TAFA2: variants seen among roughly 807,000 people sequenced by gnomAD.
The protein encoded by TAFA2 is TAFA chemokine like family member 2.
TAFA2 carries 7 observed loss-of-function variants against 18.8 expected under a neutral mutation model. The ratio of observed to expected loss-of-function variants is 0.37; its 90% CI spans 0.21 to 0.70. The LOEUF (loss-of-function observed/expected upper bound fraction) is 0.70. Among genes scored for constraint, TAFA2 ranks in the 30% least tolerant of loss-of-function variants. TAFA2 has a pLI of 0.53. For missense variants in TAFA2, 122 were observed against 158.1 expected (o/e 0.77, Z 1.23); for synonymous variants, 60 against 54.2 (o/e 1.11, Z -0.47).
intron 1 of TAFA2, among the ~76,000 whole-genome samples, chr12:62,168,856 C>T (rs1434152370): frequency 6.6e-6 from 1 of 151,748 alleles, no homozygotes; most frequent in African/African-American, 2.4e-5. Context: ...AACAAACAAA[C>T]AAAACAGGCA....
chr12:61,964,099 T>TAAAACCTTTA (rs1336012245), intron 1 of TAFA2, among the ~76,000 whole-genome samples: 25 of 152,116 alleles, frequency 1.6e-4, no homozygotes, highest in African/African-American at 6.0e-4. Flanking sequence ...GACTTAAACG[T>TAAAACCTTTA]AAGACCTAAA....
chr12:61,942,359 A>T (rs1482656979), intron 1 of TAFA2, among the ~76,000 whole-genome samples: 1 of 150,848 alleles, frequency 6.6e-6, no homozygotes, highest in Non-Finnish European at 1.5e-5. Context: ...GGGAAAAAAC[A>T]GAACAGAAAA....
chr12:62,075,407 C>T (rs1314180357), intron 1 of TAFA2, among the ~76,000 whole-genome samples: 1 of 152,100 alleles, frequency 6.6e-6, no homozygotes, highest in South Asian at 2.1e-4. Context: ...GCCATGTGTC[C>T]AAGCTCTTGA....
At chr12:61,801,274 A>G (rs1292080671) in intron 2 of TAFA2, among the ~76,000 whole-genome samples, 2 of 152,148 alleles carry the variant, frequency 1.3e-5, no homozygotes, top group Non-Finnish European at 2.9e-5. Flanking sequence ...AAATTATTCT[A>G]AAATTTGTAT....
chr12:61,774,324 G>A (rs879594997), intron 2 of TAFA2, among the ~76,000 whole-genome samples: 3 of 151,644 alleles, frequency 2.0e-5, no homozygotes, highest in African/African-American at 4.8e-5. Context: ...TCTTACTCCT[G>A]GTATCTATCC....
intron 1 of TAFA2, among the ~76,000 whole-genome samples, chr12:61,881,698 A>G (rs745932997): frequency 6.6e-6 from 1 of 152,044 alleles, no homozygotes; most frequent in Non-Finnish European, 1.5e-5. Context: ...AGAGCCTCAT[A>G]CCACCCCCAC....
chr12:61,897,453 T>C (rs776216485), intron 1 of TAFA2, among the ~76,000 whole-genome samples: 33 of 152,112 alleles, frequency 2.2e-4, no homozygotes, highest in Admixed American at 1.4e-3. Context: ...TTTAATTGAC[T>C]CACAGTGCAG....
chr12:61,725,902 C>A (rs1336707477), intron 4 of TAFA2, among the ~76,000 whole-genome samples: 1 of 151,922 alleles, frequency 6.6e-6, no homozygotes, highest in Non-Finnish European at 1.5e-5. Flanking sequence ...ATACAATAAA[C>A]TTTGGGGATT....
intron 1 of TAFA2, among the ~76,000 whole-genome samples, chr12:62,132,439 A>C (rs1366077106): frequency 6.6e-6 from 1 of 151,916 alleles, no homozygotes; most frequent in East Asian, 1.9e-4. Context: ...TGATGTGTCT[A>C]AACCAGTTTT....
chr12:62,111,925 T>C (rs188363441), intron 1 of TAFA2, among the ~76,000 whole-genome samples: 2 of 152,354 alleles, frequency 1.3e-5, no homozygotes. Flanking sequence ...CACTGATGTG[T>C]CTTGACTCTT....
chr12:62,044,495 G>T (rs1350804887), intron 1 of TAFA2, among the ~76,000 whole-genome samples: 1 of 152,032 alleles, frequency 6.6e-6, no homozygotes, highest in Non-Finnish European at 1.5e-5. Flanking sequence ...AAGAAAGCCC[G>T]CATAACCTGA....
chr12:61,744,416 T>C (rs1288944288), intron 4 of TAFA2, among the ~76,000 whole-genome samples: 1 of 152,112 alleles, frequency 6.6e-6, no homozygotes, highest in African/African-American at 2.4e-5. Context: ...AGGCCAAGTT[T>C]TGGACATAGA....
chr12:61,868,836 G>C (rs1592447624), intron 1 of TAFA2, among the ~76,000 whole-genome samples: 1 of 152,118 alleles, frequency 6.6e-6, no homozygotes, highest in Admixed American at 6.5e-5. Flanking sequence ...GAATGCCGGG[G>C]TTTGAGTCCA....
chr12:62,032,929 T>C (rs1389344732), intron 1 of TAFA2, among the ~76,000 whole-genome samples: 1 of 152,180 alleles, frequency 6.6e-6, no homozygotes, highest in African/African-American at 2.4e-5. Flanking sequence ...TTCATGGATT[T>C]TATTACTATT....
At chr12:61,892,477 T>C (rs753088971) in intron 1 of TAFA2, among the ~76,000 whole-genome samples, 3 of 152,186 alleles carry the variant, frequency 2.0e-5, no homozygotes, top group Non-Finnish European at 2.9e-5. Context: ...AGTTTGAATT[T>C]CCAAAGCAGT....
chr12:62,201,013 G>C (rs775504719), intron 1 of TAFA2, among the ~76,000 whole-genome samples: 1 of 152,054 alleles, frequency 6.6e-6, no homozygotes, highest in Non-Finnish European at 1.5e-5. Flanking sequence ...AATTGTAATG[G>C]GAATTCATTC....
chr12:61,965,556 A>T (rs1329481875), intron 1 of TAFA2, among the ~76,000 whole-genome samples: 1 of 151,928 alleles, frequency 6.6e-6, no homozygotes, highest in Non-Finnish European at 1.5e-5. Context: ...AAGAAAAGTG[A>T]TGTGCTAGGT....
chr12:61,936,107 A>C, intron 1 of TAFA2, among the ~76,000 whole-genome samples: 1 of 152,176 alleles, frequency 6.6e-6, no homozygotes, highest in East Asian at 1.9e-4. Flanking sequence ...CTAAACCAAT[A>C]ACACATAAAA....
chr12:61,942,123 C>T (rs917559176), intron 1 of TAFA2, among the ~76,000 whole-genome samples: 9 of 150,724 alleles, frequency 6.0e-5, no homozygotes, highest in African/African-American at 1.5e-4. Flanking sequence ...GGCAGACTGC[C>T]TCCTCAAGTG....
Sources: gnomAD v4.1 joint callset for allele counts (sites outside exome capture counted in the v4.1 genomes callset) on GRCh38, gnomAD v4.1.1 for gene constraint, MANE v1.5 for transcripts, NCBI Gene and HGNC (gene_info 2026-07-23, HGNC 2026-07-21) for gene names.